Variants in STAT5B observed in about 807,000 individuals in gnomAD.
STAT5B encodes the protein signal transducer and activator of transcription 5B.
A neutral mutation model predicts 107.8 loss-of-function variants in STAT5B; 21 were observed. The observed-to-expected ratio is 0.19, with a 90% confidence interval of 0.14 to 0.28. The LOEUF is 0.28. STAT5B is among the 10% of genes least tolerant of loss of function. The probability of loss-of-function intolerance (pLI) is 1.00; values close to 1 mark genes in which losing one functional copy is unlikely to be tolerated. For synonymous variants in STAT5B, 325 were observed against 401.7 expected, an observed-to-expected ratio of 0.81 and a Z score of 2.28; for missense variants, 565 against 1,008.2, an observed-to-expected ratio of 0.56 and a Z score of 5.95.
At chr17:42,227,922 A>G (rs564525493) in intron 2 of STAT5B, among the ~76,000 whole-genome samples, 12 of 152,284 alleles carry the variant, frequency 7.9e-5, no homozygotes, top group Non-Finnish European at 1.3e-4. Flanking sequence ...ATTTTTAACA[A>G]TGTGCTGCCC....
At chr17:42,212,283 G>A (rs1434101756) in intron 12 of STAT5B, 93 bp from the exon 13 acceptor site, 6 of 1,591,566 alleles carry the variant, frequency 3.8e-6, no homozygotes, top group African/African-American at 1.3e-5. Context: ...GCTGGGAGTG[G>A]TTACACACAT....
the STAT5B span, among the ~76,000 whole-genome samples, chr17:42,283,348 G>A: frequency 2.0e-5 from 3 of 152,186 alleles, no homozygotes; most frequent in African/African-American, 7.2e-5. Context: ...GCAATGAGGG[G>A]GCTGCAAAGG....
the STAT5B span, among the ~76,000 whole-genome samples, chr17:42,284,612 G>A: frequency 6.6e-6 from 1 of 152,326 alleles, no homozygotes; most frequent in East Asian, 1.9e-4. Flanking sequence ...CCACCTTCAT[G>A]TAAGTGTGCA....
chr17:42,261,273 A>T (rs1419502937), intron 1 of STAT5B, among the ~76,000 whole-genome samples: 1 of 152,198 alleles, frequency 6.6e-6, no homozygotes, highest in Non-Finnish European at 1.5e-5. Flanking sequence ...GTAAGAGGTG[A>T]TAAGCAAAAA....
intron 3 of STAT5B, among the ~76,000 whole-genome samples, chr17:42,226,531 G>C (rs1225125486): frequency 2.6e-5 from 4 of 152,074 alleles, no homozygotes; most frequent in African/African-American, 9.7e-5. Flanking sequence ...AGAGGGGCTG[G>C]GTGCGGTGGC....
intron 1 of STAT5B, among the ~76,000 whole-genome samples, chr17:42,260,917 CTTT>C (rs11402155): frequency 3.5e-5 from 5 of 141,914 alleles, no homozygotes; most frequent in African/African-American, 1.3e-4. Flanking sequence ...TATGTCTTAC[CTTT>C]TTTTTTTTTT....
At chr17:42,221,796 C>T (rs1360760140) in intron 5 of STAT5B, among the ~76,000 whole-genome samples, 1 of 152,162 alleles carries the variant, frequency 6.6e-6, no homozygotes, top group East Asian at 1.9e-4. Context: ...ATAGTCCCTT[C>T]TCAAAGATTT....
chr17:42,252,725 G>A (rs903150150), intron 1 of STAT5B, among the ~76,000 whole-genome samples: 2 of 152,120 alleles, frequency 1.3e-5, no homozygotes, highest in East Asian at 1.9e-4. Context: ...GCTAATCAAG[G>A]TAAACATAAT....
intron 1 of STAT5B, among the ~76,000 whole-genome samples, chr17:42,233,158 C>G (rs954884608): frequency 2.6e-5 from 4 of 151,894 alleles, no homozygotes; most frequent in African/African-American, 9.7e-5. Flanking sequence ...TTTAAAAAAT[C>G]ACTTGTTTTA....
chr17:42,277,740 A>G (rs1357798650), upstream of STAT5B, among the ~76,000 whole-genome samples: 2 of 148,170 alleles, frequency 1.3e-5, no homozygotes, highest in Non-Finnish European at 3.0e-5. Flanking sequence ...TTTCTCTTTT[A>G]TCTTTTCTTT....
intron 15 of STAT5B, among the ~76,000 whole-genome samples, chr17:42,209,031 C>A (rs1056451994): frequency 4.8e-5 from 7 of 145,176 alleles, no homozygotes; most frequent in African/African-American, 1.8e-4. Flanking sequence ...CCGCACCCAG[C>A]CTTTTTTTTT....
At chr17:42,239,225 C>T (rs1330371087) in intron 1 of STAT5B, among the ~76,000 whole-genome samples, 14 of 130,742 alleles carry the variant, frequency 1.1e-4, no homozygotes, top group African/African-American at 4.1e-4. Flanking sequence ...TCCAAGCTGG[C>T]GACAGAGCAA....
the STAT5B span, among the ~76,000 whole-genome samples, chr17:42,283,872 T>G: frequency 1.3e-5 from 2 of 152,124 alleles, no homozygotes; most frequent in African/African-American, 4.8e-5. Flanking sequence ...ATGGCCCCAC[T>G]TCTAGAAGCC....
intron 3 of STAT5B, among the ~76,000 whole-genome samples, chr17:42,225,573 C>T (rs576791038): frequency 4.3e-4 from 66 of 152,172 alleles, no homozygotes; most frequent in African/African-American, 1.5e-3. Context: ...ACTTGGATAC[C>T]AAAATCTGCA....
chr17:42,285,001 T>C, the STAT5B span, among the ~76,000 whole-genome samples: 3 of 152,188 alleles, frequency 2.0e-5, no homozygotes, highest in Admixed American at 6.5e-5. Context: ...ACGAATATAG[T>C]GTGCCAACTG....
chr17:42,213,774 CCA>C (rs2080148585), intron 12 of STAT5B, among the ~76,000 whole-genome samples: 2 of 143,056 alleles, frequency 1.4e-5, no homozygotes, highest in African/African-American at 5.2e-5. Context: ...AATGATCCAC[CCA>C]CCTCGGCCTC....
At chr17:42,216,165 C>CTTTT in intron 11 of STAT5B, 59 bp from the exon 12 acceptor site, 1 of 1,129,816 alleles carries the variant, frequency 8.9e-7, no homozygotes, top group Non-Finnish European at 1.2e-6. Flanking sequence ...CTCCTTCTCT[C>CTTTT]TTTTTTTTTT....
chr17:42,209,040 T>C (rs1417755635), intron 15 of STAT5B, among the ~76,000 whole-genome samples: 1 of 136,260 alleles, frequency 7.3e-6, no homozygotes, highest in African/African-American at 2.8e-5. Context: ...GCCTTTTTTT[T>C]TTTTTCTTTT....
chr17:42,261,371 T>C (rs553609877), intron 1 of STAT5B, among the ~76,000 whole-genome samples: 4 of 152,332 alleles, frequency 2.6e-5, no homozygotes, highest in Admixed American at 1.3e-4. Flanking sequence ...GAAAAACACT[T>C]ATTTACTTCA....
Sources: allele counts gnomAD v4.1 joint callset (sites outside exome capture counted in the v4.1 genomes callset), GRCh38; gene constraint gnomAD v4.1.1; transcripts MANE v1.5; gene names NCBI Gene and HGNC (gene_info 2026-07-23, HGNC 2026-07-21).